The following SMIM21 variants were observed in gnomAD, a reference collection of about 807,000 sequenced individuals.
The protein encoded by SMIM21 is chromosome 18 open reading frame 62.
In SMIM21, 8 loss-of-function variants were observed where a neutral mutation model predicts 8.6. The observed-to-expected ratio is 0.93, with a 90% CI of 0.55 to 1.68. The LOEUF (loss-of-function observed/expected upper bound fraction) is 1.68. Among genes scored for constraint, SMIM21 ranks in the 40% most tolerant of loss-of-function variants. SMIM21 has a pLI of 0.00. For synonymous variants in SMIM21, 43 were observed against 41.7 expected (o/e 1.03, Z -0.12); for missense variants, 132 against 123.0 (o/e 1.07, Z -0.35).
At chr18:75,416,190 G>A (rs1314335197) in intron 2 of SMIM21, 1 of 152,148 alleles carries the variant, frequency 6.6e-6, no homozygotes, top group African/African-American at 2.4e-5. Flanking sequence ...TCACAGCCTC[G>A]ACAGCAATCA....
intron 1 of SMIM21, among the ~76,000 whole-genome samples, chr18:75,421,772 T>C (rs753066456): frequency 6.6e-6 from 1 of 152,140 alleles, no homozygotes; most frequent in Non-Finnish European, 1.5e-5. Context: ...TGGAACTGTT[T>C]CACATTTTTA....
At chr18:75,414,405 T>C (rs1299092429) in intron 2 of SMIM21, among the ~76,000 whole-genome samples, 1 of 152,090 alleles carries the variant, frequency 6.6e-6, no homozygotes. Context: ...CCTGCTCCAT[T>C]GACTGCTGAA....
At chr18:75,425,398 C>T (rs1012590741) in intron 1 of SMIM21, among the ~76,000 whole-genome samples, 55 of 152,200 alleles carry the variant, frequency 3.6e-4, no homozygotes, top group African/African-American at 1.2e-3. Flanking sequence ...AAGTCCCATT[C>T]CACTGCCTGG....
chr18:75,427,542 C>G lies in SMIM21; in HGVS notation c.22G>C (p.Ala8Pro), dbSNP rs146783544. 1,416 of 1,612,686 alleles carry G rather than the reference C, an allele frequency of 8.8e-4. 4 individuals carry two copies. Among genetic ancestry groups the G allele is most frequent in the Middle Eastern group, 5.2e-3 (31 of 6,018 alleles). MDQYVSTAPPRFPIAQLG... is the reference protein window; with the variant it reads MDQYVSTPPPRFPIAQLG... Reference sequence around the variant, plus strand: ...TGTGCTATAGGGAATCGGGGAGGAGCTGTGGACACATACTGGTCCATGTGG... The same window carrying G: ...TGTGCTATAGGGAATCGGGGAGGAGGTGTGGACACATACTGGTCCATGTGG... The change falls in exon 1 of 3, where the codon GCT becomes CCT. Residue 8 changes from alanine (A) to proline (P), a missense_variant. Physicochemically the swap from Ala to Pro is conservative, Grantham distance 27. Coordinates refer to ENST00000579022, the MANE Select transcript of SMIM21 (RefSeq NM_001037331.3).
At position 75,410,181 on chromosome 18, in the gene SMIM21, A is replaced by G. The variant is rs2024567869; in HGVS notation, c.*683T>C. On this transcript the variant is annotated 3_prime_UTR_variant, in exon 3 of 3. Coordinates refer to ENST00000579022, the MANE Select transcript of SMIM21 (RefSeq NM_001037331.3). ...GCCTCGACTTGTTGCCCGTCTTCAG[A>G]CAGTGCTCCATCCTAAATCATTTGA... 1 of 152,672 alleles carries G rather than the reference A, an allele frequency of 6.5e-6. No homozygotes were observed. The highest frequency in any genetic ancestry group is 1.5e-5 in the Non-Finnish European group (1 of 68,048). The allele number at this position is 152,672 out of a possible 1,614,324, so 9.5% of individuals were successfully genotyped here.
chr18:75,412,383 A>C (rs866463789), intron 2 of SMIM21: 4 of 152,246 alleles, frequency 2.6e-5, no homozygotes, highest in Non-Finnish European at 4.4e-5. Flanking sequence ...GAGTTGAGCA[A>C]GATTTCTATT....
At chr18:75,421,473 C>T (rs1359581570) in intron 1 of SMIM21, among the ~76,000 whole-genome samples, 1 of 151,218 alleles carries the variant, frequency 6.6e-6, no homozygotes, top group Non-Finnish European at 1.5e-5. Context: ...TCTGCTGTGG[C>T]CACAAGTCGG....
chr18:75,426,878 G>A (rs1599111266), intron 1 of SMIM21, among the ~76,000 whole-genome samples: 2 of 152,078 alleles, frequency 1.3e-5, no homozygotes, highest in East Asian at 3.9e-4. Context: ...CTTTTCAGAA[G>A]CTATTGATCA....
At chr18:75,413,728 C>T (rs1390412866) in intron 2 of SMIM21, among the ~76,000 whole-genome samples, 1 of 152,192 alleles carries the variant, frequency 6.6e-6, no homozygotes, top group South Asian at 2.1e-4. Flanking sequence ...TATGACTGGT[C>T]CCTCTTGTCT....
At position 75,427,616 on chromosome 18, in the gene SMIM21, G is replaced by A. The variant is rs115713276; in HGVS notation, c.-53C>T. 378 of 1,524,186 alleles carry A rather than the reference G, an allele frequency of 2.5e-4. 2 individuals are homozygous for A. In the African/African-American group the frequency reaches 4.5e-3, roughly 18 times the overall value. The allele number at this position is 1,524,186 out of a possible 1,614,324, so 94.4% of individuals were successfully genotyped here. A position where few individuals can be genotyped will look rare whatever the true frequency, so the allele number is the denominator to read the frequency against. On this transcript the variant is annotated 5_prime_UTR_variant, in exon 1 of 3. Coordinates refer to ENST00000579022, the MANE Select transcript of SMIM21 (RefSeq NM_001037331.3). ...AGGTCTCCTTGATGACAGCGACTCTGAGGACACAGAGCTGGTGCTATAAGA... is the reference window on the plus strand; with the variant it reads ...AGGTCTCCTTGATGACAGCGACTCTAAGGACACAGAGCTGGTGCTATAAGA...
intron 2 of SMIM21, chr18:75,417,153 G>A (rs1370285772): frequency 6.6e-6 from 1 of 152,176 alleles, no homozygotes; most frequent in Admixed American, 6.5e-5. Context: ...ATCCTCCCCG[G>A]GCAGGAGAAG....
At chr18:75,426,251 TAA>T (rs1249187920) in intron 1 of SMIM21, among the ~76,000 whole-genome samples, 5 of 152,216 alleles carry the variant, frequency 3.3e-5, no homozygotes, top group Admixed American at 3.3e-4. Flanking sequence ...ATAATTTGTT[TAA>T]GACTGAAGAA....
At chr18:75,422,867 A>T (rs1435894715) in intron 1 of SMIM21, among the ~76,000 whole-genome samples, 1 of 152,214 alleles carries the variant, frequency 6.6e-6, no homozygotes, top group Non-Finnish European at 1.5e-5. Context: ...AATATTCTAA[A>T]ATTAGTTATG....
chr18:75,416,255 G>A (rs1183481664), intron 2 of SMIM21: 9 of 152,142 alleles, frequency 5.9e-5, no homozygotes, highest in African/African-American at 2.2e-4. Context: ...CTATTTTGTT[G>A]TTATTCACTT....
chr18:75,426,631 T>TAAAAAAAAAAA (rs777676195), intron 1 of SMIM21, among the ~76,000 whole-genome samples: 22 of 89,246 alleles, frequency 2.5e-4, no homozygotes, highest in South Asian at 8.1e-4. Context: ...TTTTAAAATG[T>TAAAAAAAAAAA]AAAAAAAAAA....
chr18:75,418,983 A>G, intron 1 of SMIM21, 67 bp from the exon 2 acceptor site: 1 of 947,170 alleles, frequency 1.1e-6, no homozygotes, highest in Non-Finnish European at 1.6e-6. Flanking sequence ...TGCTACAAGC[A>G]GCTAACTCTT....
Position 75,419,022 on chromosome 18 carries a change from A to C in SMIM21, c.130-106T>G, listed in dbSNP as rs535817943. 3.7e-4 allele frequency: 243 copies of C among 650,516 alleles called. 1 individual carries two copies. The highest frequency in any genetic ancestry group is 5.7e-4 in the Non-Finnish European group (227 of 396,534). The allele number at this position is 650,516 out of a possible 1,614,324, so 40.3% of individuals were successfully genotyped here. A position where few individuals can be genotyped will look rare whatever the true frequency, so the allele number is the denominator to read the frequency against. ...CAAACAATTAATTTTGTTTAAAATA[A>C]ATAAGTTTATATATTTAAGGTCGTG... On this transcript the variant is annotated intron_variant, in intron 1 of 2. Coordinates refer to ENST00000579022, the MANE Select transcript of SMIM21 (RefSeq NM_001037331.3).
At chr18:75,418,698 G>T (rs1181696173) in intron 2 of SMIM21, 88 bp downstream of exon 2, 4 of 1,174,776 alleles carry the variant, frequency 3.4e-6, no homozygotes, top group South Asian at 2.1e-5. Flanking sequence ...GAATGTTCTA[G>T]TTTTTTTTTA....
chr18:75,420,478 G>C (rs2024697251), intron 1 of SMIM21, among the ~76,000 whole-genome samples: 1 of 152,156 alleles, frequency 6.6e-6, no homozygotes, highest in Non-Finnish European at 1.5e-5. Flanking sequence ...GCTACTCTGT[G>C]CATCATTTGG....
Sources: gnomAD v4.1 joint callset for allele counts (sites outside exome capture counted in the v4.1 genomes callset) on GRCh38, gnomAD v4.1.1 for gene constraint, MANE v1.5 for transcripts, NCBI Gene and HGNC (gene_info 2026-07-23, HGNC 2026-07-21) for gene names.